IL15RA: variants seen among roughly 807,000 people sequenced by gnomAD.
IL15RA encodes interleukin-15 receptor subunit alpha.
IL15RA carries 26 observed loss-of-function variants against 24.2 expected under a neutral mutation model. The ratio of observed to expected loss-of-function variants is 1.07; its 90% confidence interval spans 0.79 to 1.49. IL15RA has a LOEUF of 1.49. Ranked by LOEUF, IL15RA falls within the 40% of genes most tolerant of loss-of-function variation. The pLI is 0.00. For missense variants in IL15RA, 354 were observed against 356.4 expected, an observed-to-expected ratio of 0.99 and a Z score of 0.05; for synonymous variants, 166 against 157.6, an observed-to-expected ratio of 1.05 and a Z score of -0.40.
chr10:5,960,539 G>T lies in IL15RA; in HGVS notation c.411C>A (p.Asn137Lys), dbSNP rs764078748. 6.2e-7 allele frequency: 1 copy of T among 1,614,136 alleles called. No homozygotes were observed. The highest frequency in any genetic ancestry group is 8.5e-7 in the Non-Finnish European group (1 of 1,180,016). ...TAGCTGCTGTTGTGGCCGCTGTGTT[G>T]TTTGAGCTGGGAGATGAAGCTGCGG... ...KEPAASSPSS[N>K]NTAATTAAIV... Residue 137 changes from asparagine to lysine, a missense_variant, in exon 4 of 7, where the codon AAC becomes AAA. Physicochemically the swap from Asn to Lys is moderately conservative, Grantham distance 94. Transcript: ENST00000379977. This position sits in a 1 kb window ranked among gnomAD's most constrained non-coding sequence, Gnocchi z 5.1.
In IL15RA at chr10:5,959,907, C is replaced by T. The variant is rs757703118; in HGVS notation, c.584-121G>A. The T allele has an allele frequency of 9.1e-5, 77 of 844,544 alleles. No homozygotes were observed. The highest frequency in any genetic ancestry group is 4.4e-4 in the Middle Eastern group (2 of 4,498). 52.3% of individuals were successfully genotyped at this position (844,544 alleles called of 1,614,324 possible). On this transcript the variant is annotated intron_variant, in intron 4 of 6. Transcript: ENST00000379977. The surrounding 1 kb of genome is among the most constrained non-coding windows in gnomAD (Gnocchi z 4.1). Reference sequence around the variant, plus strand: ...AGCACCCTGGGAGACTCGTGGCTGGCGTAACCAGACTCATTTTAGCAAAGA... The same window carrying T: ...AGCACCCTGGGAGACTCGTGGCTGGTGTAACCAGACTCATTTTAGCAAAGA...
At position 5,953,495 on chromosome 10, in the gene IL15RA, A is replaced by G. The variant is rs8177742; in HGVS notation, c.693-289T>C. 0.073 allele frequency among the ~76,000 whole-genome samples: 11,180 copies of G among 152,156 alleles called. 773 individuals are homozygous for G. Among genetic ancestry groups the G allele is most frequent in the African/African-American group, 0.18 (7,652 of 41,508 alleles). ...TCGTGGGAGGATCGCTTGAGCCCAGAAGTTCAAGACCAACCAGGACAATAT... is the reference window on the plus strand; with the variant it reads ...TCGTGGGAGGATCGCTTGAGCCCAGGAGTTCAAGACCAACCAGGACAATAT... On this transcript the variant is annotated intron_variant, in intron 6 of 6. Coordinates refer to ENST00000379977, the MANE Select transcript of IL15RA (RefSeq NM_002189.4). This position sits in a 1 kb window ranked among gnomAD's most constrained non-coding sequence, Gnocchi z 5.3.
In IL15RA at chr10:5,965,085, G is replaced by A. The variant is rs981305697; in HGVS notation, c.283+1060C>T. ...CTATGGGGCCGCTCCATGCAGGGGC[G>A]CGCTCATCCCTGCCCCAGAGATGAA... On this transcript the variant is annotated intron_variant, in intron 2 of 6. Coordinates refer to ENST00000379977, the MANE Select transcript of IL15RA (RefSeq NM_002189.4). This position sits in a 1 kb window ranked among gnomAD's most constrained non-coding sequence, Gnocchi z 5.8. Among the ~76,000 whole-genome samples, 2 of 152,176 alleles carry A rather than the reference G, an allele frequency of 1.3e-5. No homozygotes were observed. Among genetic ancestry groups the A allele is most frequent in the East Asian group, 1.9e-4 (1 of 5,196 alleles).
rs1271787396 is a variant in IL15RA, at chr10:5,956,379, C to G, written c.692G>C (p.Arg231Thr). ...AGAGGGAGTATCCAGTGCAACTCAC[C>G]TTGACTTGAGGTAGCATGCCAGGAG... ...VSLLACYLKS[R>T]QTPPLASVEM... The change falls in exon 6 of 7, where the codon AGG (arginine) becomes ACG (threonine). Residue 231 changes from arginine to threonine, a missense_variant and splice_region_variant. Coordinates refer to ENST00000379977, the MANE Select transcript of IL15RA (RefSeq NM_002189.4). The G allele has an allele frequency of 1.2e-6, 2 of 1,611,478 alleles. No individual in the cohort carries two copies. Among genetic ancestry groups the G allele is most frequent in the Non-Finnish European group, 8.5e-7 (1 of 1,177,678 alleles).
intron 1 of IL15RA, among the ~76,000 whole-genome samples, chr10:5,974,624 C>T (rs1013485801): frequency 6.6e-6 from 1 of 152,122 alleles, no homozygotes; most frequent in Non-Finnish European, 1.5e-5. Flanking sequence ...CACCTGTAAT[C>T]CCAGCACTTT....
In IL15RA at chr10:5,968,626, T is replaced by A; in HGVS notation, c.89-2287A>T. ...GCCCCACTGGCTTTGAGGCCTCTGG[T>A]GCTATCTGGTGCTGGAGTGTCAGAG... On this transcript the variant is annotated intron_variant, in intron 1 of 6. Coordinates refer to ENST00000379977, the MANE Select transcript of IL15RA (RefSeq NM_002189.4). This position sits in a 1 kb window ranked among gnomAD's most constrained non-coding sequence, Gnocchi z 5.4. The A allele has an allele frequency of 1.6e-6, 1 of 609,528 alleles. No homozygotes were observed. 37.8% of individuals were successfully genotyped at this position (609,528 alleles called of 1,614,324 possible).
downstream of IL15RA, among the ~76,000 whole-genome samples, chr10:5,951,347 T>C (rs965416941): frequency 5.3e-5 from 8 of 151,128 alleles, no homozygotes; most frequent in African/African-American, 1.9e-4. Flanking sequence ...AAGAAGTCAG[T>C]GAAAAATGGC....
chr10:5,951,868 C>T (rs1161018901), downstream of IL15RA, among the ~76,000 whole-genome samples: 2 of 152,002 alleles, frequency 1.3e-5, no homozygotes, highest in African/African-American at 2.4e-5. Context: ...CTATGTTGCC[C>T]AGGGTGTTCT....
Position 5,965,624 on chromosome 10 carries a change from C to T in IL15RA, c.283+521G>A, listed in dbSNP as rs1295905332. ...TGCCCAAGGCCTCCTGGGTGGTAGG[C>T]GGCAAAGCCAGGATTTAAACCCAGA... On this transcript the variant is annotated intron_variant, in intron 2 of 6. Coordinates refer to ENST00000379977, the MANE Select transcript of IL15RA (RefSeq NM_002189.4). This position sits in a 1 kb window ranked among gnomAD's most constrained non-coding sequence, Gnocchi z 5.8. Among the ~76,000 whole-genome samples, 2 of 152,228 alleles carry T rather than the reference C, an allele frequency of 1.3e-5. No homozygotes were observed. The highest frequency in any genetic ancestry group is 2.4e-5 in the African/African-American group (1 of 41,462).
At position 5,958,075 on chromosome 10, in the gene IL15RA, A is replaced by G; in HGVS notation, c.617-1621T>C. 4.3e-6 allele frequency: 1 copy of G among 232,070 alleles called. No homozygotes were observed. The highest frequency in any genetic ancestry group is 8.9e-6 in the Non-Finnish European group (1 of 112,382). 14.4% of individuals were successfully genotyped at this position (232,070 alleles called of 1,614,324 possible). On this transcript the variant is annotated intron_variant, in intron 5 of 6. Transcript: ENST00000379977. This position sits in a 1 kb window ranked among gnomAD's most constrained non-coding sequence, Gnocchi z 4.3. ...AATTAATGGCTGTTTGTAAGATAAC[A>G]ACAGAATGTAGCAATCACATGTCCA...
At position 5,965,874 on chromosome 10, in the gene IL15RA, C is replaced by A. The variant is rs8177687; in HGVS notation, c.283+271G>T. On this transcript the variant is annotated intron_variant, in intron 2 of 6. Coordinates refer to ENST00000379977, the MANE Select transcript of IL15RA (RefSeq NM_002189.4). The surrounding 1 kb of genome is among the most constrained non-coding windows in gnomAD (Gnocchi z 5.8). Reference sequence around the variant, plus strand: ...TAGCTGGGATTACAGGCGCCTGCCACCACGCCCGGCTACTTTTTGTATTTT... The same window carrying A: ...TAGCTGGGATTACAGGCGCCTGCCAACACGCCCGGCTACTTTTTGTATTTT... 6.6e-6 allele frequency among the ~76,000 whole-genome samples: 1 copy of A among 152,174 alleles called. No individual in the cohort carries two copies. The highest frequency in any genetic ancestry group is 2.4e-5 in the African/African-American group (1 of 41,440).
In IL15RA at chr10:5,959,872, C is replaced by T. The variant is rs1835205358; in HGVS notation, c.584-86G>A. ...GCAGGAGAAAATCTGCATGGCTTGG[C>T]TCCCATCTTAGCACCCTGGGAGACT... On this transcript the variant is annotated intron_variant, in intron 4 of 6. Transcript: ENST00000379977. This position sits in a 1 kb window ranked among gnomAD's most constrained non-coding sequence, Gnocchi z 4.1. 7.5e-7 allele frequency: 1 copy of T among 1,337,888 alleles called. No individual in the cohort carries two copies. Among genetic ancestry groups the T allele is most frequent in the African/African-American group, 1.4e-5 (1 of 69,574 alleles). The allele number at this position is 1,337,888 out of a possible 1,614,324, so 82.9% of individuals were successfully genotyped here.
Position 5,968,599 on chromosome 10 carries a change from G to A in IL15RA, c.89-2260C>T, listed in dbSNP as rs1227998821. On this transcript the variant is annotated intron_variant, in intron 1 of 6. Transcript: ENST00000379977. The surrounding 1 kb of genome is among the most constrained non-coding windows in gnomAD (Gnocchi z 5.4). ...GCTGCTGTTGCTATGGTTACCTGCAGAGCCCCACTGGCTTTGAGGCCTCTG... is the reference window on the plus strand; with the variant it reads ...GCTGCTGTTGCTATGGTTACCTGCAAAGCCCCACTGGCTTTGAGGCCTCTG... 10 of 589,824 alleles carry A rather than the reference G, an allele frequency of 1.7e-5. No individual in the cohort carries two copies. In the East Asian group the frequency reaches 2.8e-4, roughly 16 times the overall value. The allele number at this position is 589,824 out of a possible 1,614,324, so 36.5% of individuals were successfully genotyped here. A position where few individuals can be genotyped will look rare whatever the true frequency, so the allele number is the denominator to read the frequency against.
At position 5,960,976 on chromosome 10, in the gene IL15RA, C is replaced by T. The variant is rs768205316; in HGVS notation, c.383-409G>A. ...TTGCCAAGGTTGGAGTGCAGTGGCG[C>T]GATCTCAGCTCACTGCAACCTCTGC... On this transcript the variant is annotated intron_variant, in intron 3 of 6. Transcript: ENST00000379977. The surrounding 1 kb of genome is among the most constrained non-coding windows in gnomAD (Gnocchi z 5.1). 1.2e-4 allele frequency among the ~76,000 whole-genome samples: 19 copies of T among 152,036 alleles called. No homozygotes were observed. Among genetic ancestry groups the T allele is most frequent in the Admixed American group, 4.6e-4 (7 of 15,254 alleles).
chr10:5,968,931 G>A lies in IL15RA; in HGVS notation c.89-2592C>T. On this transcript the variant is annotated intron_variant, in intron 1 of 6. Coordinates refer to ENST00000379977, the MANE Select transcript of IL15RA (RefSeq NM_002189.4). The surrounding 1 kb of genome is among the most constrained non-coding windows in gnomAD (Gnocchi z 5.4). ...GACAGCCAGCCTGTCTCTTGCATCT[G>A]TAACAGGTTTTGTACAGGAAGTGTT... 6.5e-7 allele frequency: 1 copy of A among 1,531,898 alleles called. No individual in the cohort carries two copies. The highest frequency in any genetic ancestry group is 1.2e-5 in the South Asian group (1 of 83,982). 94.9% of individuals were successfully genotyped at this position (1,531,898 alleles called of 1,614,324 possible).
Position 5,955,423 on chromosome 10 carries a change from T to C in IL15RA, c.692+956A>G, listed in dbSNP as rs1175940407. ...CAGGGTCACATAATTTTTATATTGATATCACATTTAGAAAAGAATGTTTTA... is the reference window on the plus strand; with the variant it reads ...CAGGGTCACATAATTTTTATATTGACATCACATTTAGAAAAGAATGTTTTA... On this transcript the variant is annotated intron_variant, in intron 6 of 6. Transcript: ENST00000379977. The surrounding 1 kb of genome is among the most constrained non-coding windows in gnomAD (Gnocchi z 5.3). 1.3e-5 allele frequency among the ~76,000 whole-genome samples: 2 copies of C among 152,162 alleles called. No homozygotes were observed. The highest frequency in any genetic ancestry group is 3.9e-4 in the East Asian group (2 of 5,192).
intron 6 of IL15RA, among the ~76,000 whole-genome samples, chr10:5,954,725 G>A (rs1272611758): frequency 1.3e-5 from 2 of 151,578 alleles, no homozygotes; most frequent in Non-Finnish European, 2.9e-5. Flanking sequence ...GAGATGGTAT[G>A]TACATTTAAA....
In IL15RA at chr10:5,961,406, TA is replaced by T. The variant is rs920758675; in HGVS notation, c.383-840del. On this transcript the variant is annotated intron_variant, in intron 3 of 6. Transcript: ENST00000379977. This position sits in a 1 kb window ranked among gnomAD's most constrained non-coding sequence, Gnocchi z 5.2. ...GGGACAGAGTGAGACCCCTGTCTCT[TA>T]AAAAAAAAGGTGGGGGGAAGAAAAG... is the stretch of plus-strand genomic sequence containing the variant. Among the ~76,000 whole-genome samples the T allele has an allele frequency of 7.9e-5, 9 of 114,250 alleles. No individual in the cohort carries two copies. The highest frequency in any genetic ancestry group is 1.1e-4 in the African/African-American group (4 of 35,210). The allele number at this position is 114,250 out of a possible 152,430, so 75.0% of individuals were successfully genotyped here. A position where few individuals can be genotyped will look rare whatever the true frequency, so the allele number is the denominator to read the frequency against.
In IL15RA at chr10:5,964,601, C is replaced by G. The variant is rs1343275065; in HGVS notation, c.284-760G>C. Among the ~76,000 whole-genome samples, 1 of 152,208 alleles carries G rather than the reference C, an allele frequency of 6.6e-6. No homozygotes were observed. The highest frequency in any genetic ancestry group is 2.4e-5 in the African/African-American group (1 of 41,454). Reference sequence around the variant, plus strand: ...GGTGAAACCTAAAGAGGCCTCCAGTCTTTGGACTCTAAAATCCTGATTCCG... The same window carrying G: ...GGTGAAACCTAAAGAGGCCTCCAGTGTTTGGACTCTAAAATCCTGATTCCG... On this transcript the variant is annotated intron_variant, in intron 2 of 6. Transcript: ENST00000379977. This position sits in a 1 kb window ranked among gnomAD's most constrained non-coding sequence, Gnocchi z 5.6.
Sources: allele counts gnomAD v4.1 joint callset (sites outside exome capture counted in the v4.1 genomes callset), GRCh38; gene constraint gnomAD v4.1.1; non-coding constraint Gnocchi (gnomAD v3.1); transcripts MANE v1.5; gene names NCBI Gene and HGNC (gene_info 2026-07-23, HGNC 2026-07-21).